PZP: variants seen among roughly 807,000 people sequenced by gnomAD.
PZP encodes PZP alpha-2-macroglobulin like, also known as pregnancy zone protein.
A neutral mutation model predicts 179.8 loss-of-function variants in PZP; 150 were observed. That is an observed-to-expected ratio of 0.83 (90% CI 0.73 to 0.96). The LOEUF is 0.96. Among genes scored for constraint, PZP ranks in the 40% least tolerant of loss-of-function variants. The pLI is 0.00. For synonymous variants in PZP, 624 were observed against 652.3 expected, an observed-to-expected ratio of 0.96 and a Z score of 0.66; for missense variants, 1,689 against 1,764.0, an observed-to-expected ratio of 0.96 and a Z score of 0.76.
the PZP span, among the ~76,000 whole-genome samples, chr12:9,141,338 G>A: frequency 6.6e-6 from 1 of 152,114 alleles, no homozygotes; most frequent in Non-Finnish European, 1.5e-5. Context: ...TTATATTAGT[G>A]TGCTACTAAT....
chr12:9,158,614 A>G (rs749675447), intron 25 of PZP, 38 bp from the exon 26 acceptor site: 1 of 1,605,582 alleles, frequency 6.2e-7, no homozygotes, highest in South Asian at 1.1e-5. Context: ...GGCTCTTTTC[A>G]TTGAGCACTT....
chr12:9,148,148 C>T (rs1350057328), downstream of PZP, among the ~76,000 whole-genome samples: 1 of 152,032 alleles, frequency 6.6e-6, no homozygotes, highest in Non-Finnish European at 1.5e-5. Flanking sequence ...TTACCATGTA[C>T]AACGTTTTGA....
At position 9,158,378 on chromosome 12, in the gene PZP, T is replaced by C. The variant is rs754893425; in HGVS notation, c.3294+42A>G. ...CTCCCTTCACCCCTGGGGGATGTTA[T>C]GTTGATGTGTGTCAGGCTCAGAAGT... On this transcript the variant is annotated intron_variant, in intron 26 of 35. Coordinates refer to ENST00000261336, the MANE Select transcript of PZP (RefSeq NM_002864.3). 3.7e-6 allele frequency: 6 copies of C among 1,607,746 alleles called. No homozygotes were observed. The Admixed American group carries it at 8.4e-5, about 22-fold the overall frequency.
intron 32 of PZP, 147 bp downstream of exon 32, chr12:9,152,073 T>G: frequency 3.0e-6 from 2 of 676,194 alleles, no homozygotes; most frequent in East Asian, 2.7e-5. Flanking sequence ...TACGGCCAAC[T>G]AAATAGTTCA....
Position 9,197,118 on chromosome 12 carries a change from G to T in PZP, c.761C>A (p.Thr254Asn). The change falls in exon 8 of 36, where the codon ACT becomes AAT. Residue 254 changes from threonine to asparagine, a missense_variant. Thr to Asn is a moderately conservative substitution (Grantham distance 65, BLOSUM62 0). This residue lies in a region of PZP where 742 missense variants were observed against 730.5 expected (regional missense o/e 1.02). Transcript: ENST00000261336. ...AAGTCCTGGGACAGGCTTCCCATAA[G>T]TGTATCTGGTACATGAGAAATAAAT... ...KVNITVCGEY[T>N]YGKPVPGLAT... is the part of the protein sequence containing the mutation. 6.3e-7 allele frequency: 1 copy of T among 1,596,642 alleles called. No individual in the cohort carries two copies. The highest frequency in any genetic ancestry group is 8.6e-7 in the Non-Finnish European group (1 of 1,165,008).
chr12:9,152,418 A>G lies in PZP; in HGVS notation c.4122-108T>C. 3.8e-6 allele frequency: 3 copies of G among 797,684 alleles called. No individual in the cohort carries two copies. In the Admixed American group the frequency reaches 6.2e-5, roughly 16 times the overall value. 49.4% of individuals were successfully genotyped at this position (797,684 alleles called of 1,614,324 possible). ...TGTCTGTCTTCAAGAAGTTGTCCCT[A>G]ATATTCTACAAAGGTCTGTGTTCCC... On this transcript the variant is annotated intron_variant, in intron 31 of 35. Transcript: ENST00000261336.
intron 13 of PZP, among the ~76,000 whole-genome samples, chr12:9,182,917 C>T (rs553228231): frequency 1.2e-4 from 18 of 152,188 alleles, no homozygotes; most frequent in Non-Finnish European, 2.4e-4. Flanking sequence ...TTCCTTTTCT[C>T]TACATCCCTC....
chr12:9,153,514 T>C (rs1940522436), intron 29 of PZP, among the ~76,000 whole-genome samples, 171 bp from the exon 30 acceptor site: 2 of 152,242 alleles, frequency 1.3e-5, no homozygotes, highest in South Asian at 4.1e-4. Flanking sequence ...ATCAAAATCA[T>C]GCTGCAGTTT....
At chr12:9,201,126 G>A (rs991028724) in intron 5 of PZP, 66 bp from the exon 6 acceptor site, 2 of 1,565,110 alleles carry the variant, frequency 1.3e-6, no homozygotes, top group African/African-American at 2.7e-5. Context: ...CAACTCAAAT[G>A]ATTTTGAAGG....
At chr12:9,181,173 CT>C (rs758708187) in intron 14 of PZP, 41 bp from the exon 15 acceptor site, 2 of 1,612,948 alleles carry the variant, frequency 1.2e-6, no homozygotes, top group South Asian at 2.2e-5. Context: ...GTTTTCCCTA[CT>C]TCTGTGATCT....
intron 13 of PZP, among the ~76,000 whole-genome samples, chr12:9,189,863 T>C (rs1275545602): frequency 6.6e-6 from 1 of 152,150 alleles, no homozygotes; most frequent in Non-Finnish European, 1.5e-5. Flanking sequence ...AAAGAAGATA[T>C]ACATGTGGCC....
chr12:9,156,878 G>A (rs746629104), intron 28 of PZP, among the ~76,000 whole-genome samples: 11 of 151,688 alleles, frequency 7.3e-5, no homozygotes, highest in African/African-American at 2.4e-4. Flanking sequence ...ACCTTTTTTT[G>A]CACAGTTTTT....
chr12:9,154,566 C>T, intron 29 of PZP, 50 bp downstream of exon 29: 1 of 1,538,662 alleles, frequency 6.5e-7, no homozygotes, highest in Non-Finnish European at 8.9e-7. Flanking sequence ...TTTTAAGCCT[C>T]CCAATTGCCA....
intron 28 of PZP, among the ~76,000 whole-genome samples, chr12:9,155,492 A>ATTG (rs5796340): frequency 3.6e-4 from 54 of 151,274 alleles, no homozygotes; most frequent in African/African-American, 1.1e-3. Context: ...TGTTGTTGTT[A>ATTG]TTGTTGTTGT....
chr12:9,195,085 A>G (rs1169663591), intron 10 of PZP, among the ~76,000 whole-genome samples: 10 of 152,196 alleles, frequency 6.6e-5, no homozygotes, highest in Admixed American at 6.5e-4. Flanking sequence ...TAGCCAGAAG[A>G]GAATAATTTG....
intron 15 of PZP, among the ~76,000 whole-genome samples, chr12:9,173,497 G>T (rs959058055): frequency 1.3e-5 from 2 of 151,972 alleles, no homozygotes; most frequent in Non-Finnish European, 2.9e-5. Flanking sequence ...AGGAGATAGA[G>T]ACATGAAAAA....
chr12:9,207,412 T>C (rs1356688220), intron 1 of PZP, among the ~76,000 whole-genome samples: 1 of 152,228 alleles, frequency 6.6e-6, no homozygotes, highest in Non-Finnish European at 1.5e-5. Flanking sequence ...GGACCTTAAA[T>C]GGCCTGGACT....
chr12:9,172,137 G>A (rs1942048468), intron 15 of PZP, among the ~76,000 whole-genome samples: 1 of 152,124 alleles, frequency 6.6e-6, no homozygotes, highest in Admixed American at 6.5e-5. Context: ...TACTAACAGT[G>A]GACCTCTCTG....
At chr12:9,192,340 T>A in intron 12 of PZP, 84 bp from the exon 13 acceptor site, 1 of 1,392,788 alleles carries the variant, frequency 7.2e-7, no homozygotes, top group Non-Finnish European at 1.0e-6. Context: ...CACTTTCAGT[T>A]GTCAAGTCTG....
Sources: gnomAD v4.1 joint callset for allele counts (sites outside exome capture counted in the v4.1 genomes callset) on GRCh38, gnomAD v4.1.1 for gene constraint, gnomAD v4.1.1 regional missense constraint, MANE v1.5 for transcripts, NCBI Gene and HGNC (gene_info 2026-07-23, HGNC 2026-07-21) for gene names.